Variants in SBF1 observed in about 807,000 individuals in gnomAD.
SBF1 encodes SET binding factor 1.
A neutral mutation model predicts 215.8 loss-of-function variants in SBF1; 65 were observed. That is an observed-to-expected ratio of 0.30 (90% CI 0.25 to 0.37). The LOEUF is 0.37. Ranked by LOEUF, SBF1 falls within the 10% of genes least tolerant of loss-of-function variation. SBF1 has a pLI of 1.00. For synonymous variants in SBF1, 1,410 were observed against 1,122.8 expected (o/e 1.26, Z -5.11); for missense variants, 2,634 against 2,667.8 (o/e 0.99, Z 0.28).
chr22:50,467,639 C>T lies in SBF1; in HGVS notation c.331G>A (p.Gly111Arg). 6.2e-7 allele frequency: 1 copy of T among 1,613,970 alleles called. No individual in the cohort carries two copies. The highest frequency in any genetic ancestry group is 8.5e-7 in the Non-Finnish European group (1 of 1,179,948). ...ATEREEEGDE[G>R]GQTHLSPTAP... is the part of the protein sequence containing the mutation. ...GTGGGAGACAGGTGGGTCTGGCCTC[C>T]CTCATCCCCCTCTTCCTCCCTCTCT... The change falls in exon 4 of 41, where the codon GGA becomes AGA. Residue 111 changes from glycine (G) to arginine (R), a missense_variant. By Grantham distance (125) the Gly-to-Arg change is moderately radical (BLOSUM62 -2). Transcript: ENST00000380817.
Position 50,461,699 on chromosome 22 carries a change from C to T in SBF1, c.2663G>A (p.Arg888His), listed in dbSNP as rs201519518. The T allele has an allele frequency of 5.9e-4, 946 of 1,609,550 alleles. 1 individual carries two copies. The highest frequency in any genetic ancestry group is 7.4e-4 in the Non-Finnish European group (868 of 1,178,934). Residue 888 changes from arginine (R) to histidine (H), a missense_variant, in exon 22 of 41, where the codon CGC becomes CAC. Arg to His is a conservative substitution (Grantham distance 29, BLOSUM62 0). Transcript: ENST00000380817. ...PIQKPKLLRP[R>H]LLPGEECVLD... ...CACACACTCCTCACCCGGCAGCAGG[C>T]GCGGCCGCAGCAGCTTGGGCTGCTC...
rs370634606 is a variant in SBF1 at position 50,455,580 on chromosome 22, G to A, written c.4269C>T (p.Ile1423=). 4.5e-6 allele frequency: 7 copies of A among 1,570,988 alleles called. No homozygotes were observed. Among genetic ancestry groups the A allele is most frequent in the Non-Finnish European group, 5.2e-6 (6 of 1,158,062 alleles). The change falls in exon 32 of 41, where the codon ATC becomes ATT. Residue 1423 remains isoleucine (I), a splice_region_variant and synonymous_variant. Transcript: ENST00000380817. ...GCACAGACACCTGCAGCAGCTTGTG[G>A]ATCTGCAGGGACAGGCGGCCTCAGC... ...SLEDSEWLIQ[I]HKLLQVSVLV... is the part of the protein sequence containing the mutation.
chr22:50,467,798 C>G lies in SBF1; in HGVS notation c.267G>C (p.Ala89=). 15 of 1,613,878 alleles carry G rather than the reference C, an allele frequency of 9.3e-6. No individual in the cohort carries two copies. The highest frequency in any genetic ancestry group is 1.3e-5 in the Non-Finnish European group (15 of 1,179,962). The change falls in exon 3 of 41, where the codon GCG becomes GCC. Residue 89 remains alanine, a synonymous_variant. Transcript: ENST00000380817. ...YCACLTFWEP[A]EPSQETTRVE... ...GCCCCAAGCTGACCTGTGAAGGCTC[C>G]GCTGGCTCCCAGAAGGTCAAGCAGG... is the stretch of plus-strand genomic sequence containing the variant.
At chr22:50,453,752 A>C (rs558687879) in intron 36 of SBF1, among the ~76,000 whole-genome samples, 2 of 151,808 alleles carry the variant, frequency 1.3e-5, no homozygotes, top group Non-Finnish European at 2.9e-5. Context: ...GCGCCACTAC[A>C]CTCCAGCCTG....
chr22:50,446,504 C>T lies in SBF1; in HGVS notation c.*638G>A, dbSNP rs2148545978. ...TTTCACCCCCAAGCCTCTGTGAGGT[C>T]AGCTTCTGCATCCCCTGGGTAGGGA... is the stretch of plus-strand genomic sequence containing the variant. On this transcript the variant is annotated 3_prime_UTR_variant, in exon 41 of 41. Coordinates refer to ENST00000380817, the MANE Select transcript of SBF1 (RefSeq NM_002972.4). 8.3e-6 allele frequency: 2 copies of T among 240,108 alleles called. No homozygotes were observed. The highest frequency in any genetic ancestry group is 1.2e-4 in the East Asian group (1 of 8,660). 14.9% of individuals were successfully genotyped at this position (240,108 alleles called of 1,614,324 possible).
In SBF1 at chr22:50,446,906, C is replaced by G. The variant is rs2066845362; in HGVS notation, c.*236G>C. The stretch of plus-strand genomic sequence containing the variant: ...TGACGGGGCCGGACTATTTACAGGC[C>G]CATTGCGGGCTGTACCTTGGCCACC... On this transcript the variant is annotated 3_prime_UTR_variant, in exon 41 of 41. Coordinates refer to ENST00000380817, the MANE Select transcript of SBF1 (RefSeq NM_002972.4). The G allele has an allele frequency of 1.4e-6, 1 of 734,258 alleles. No individual in the cohort carries two copies. Among genetic ancestry groups the G allele is most frequent in the Non-Finnish European group, 2.5e-6 (1 of 402,814 alleles). The allele number at this position is 734,258 out of a possible 1,614,324, so 45.5% of individuals were successfully genotyped here.
intron 36 of SBF1, among the ~76,000 whole-genome samples, chr22:50,449,268 C>T (rs928971368): frequency 8.6e-5 from 13 of 151,242 alleles, no homozygotes; most frequent in Middle Eastern, 6.9e-3. Context: ...TGGAGAAAAA[C>T]ATTAAAATAG....
At chr22:50,454,407 C>A in intron 36 of SBF1, 105 bp downstream of exon 36, 2 of 1,012,210 alleles carry the variant, frequency 2.0e-6, no homozygotes, top group Non-Finnish European at 3.0e-6. Flanking sequence ...CCAGGGGTAA[C>A]CGGACTTACG....
Position 50,457,052 on chromosome 22 carries a change from T to C in SBF1, c.3886A>G (p.Arg1296Gly), listed in dbSNP as rs543523684. 2 of 1,459,194 alleles carry C rather than the reference T, an allele frequency of 1.4e-6. No homozygotes were observed. The highest frequency in any genetic ancestry group is 6.2e-5 in the Admixed American group (2 of 32,254). 90.4% of individuals were successfully genotyped at this position (1,459,194 alleles called of 1,614,324 possible). Reference protein sequence around the residue: ...LSNPMAASASRRTAPRGKWGS... With the variant: ...LSNPMAASASGRTAPRGKWGS... ...ACGGTACCTCGGGGTGCGGTCCGTC[T>C]GGAGGCCGAGGCCGCCATGGGGTTG... Residue 1296 changes from arginine (R) to glycine (G), a missense_variant, in exon 29 of 41, where the codon AGA becomes GGA. Coordinates refer to ENST00000380817, the MANE Select transcript of SBF1 (RefSeq NM_002972.4).
At chr22:50,463,675 G>A (rs971004249) in intron 15 of SBF1, among the ~76,000 whole-genome samples, 40 of 152,264 alleles carry the variant, frequency 2.6e-4, no homozygotes, top group Non-Finnish European at 5.9e-5. Context: ...GCAGGGAGGT[G>A]CGCTCCGGAG....
chr22:50,465,567 C>A (rs575892040), intron 10 of SBF1, among the ~76,000 whole-genome samples, 196 bp downstream of exon 10: 9 of 152,358 alleles, frequency 5.9e-5, no homozygotes, highest in African/African-American at 1.9e-4. Flanking sequence ...CCTTGCTGGG[C>A]CCCTGCCGCC....
intron 28 of SBF1, among the ~76,000 whole-genome samples, chr22:50,457,823 G>T (rs894322050): frequency 1.3e-5 from 2 of 152,226 alleles, no homozygotes; most frequent in Non-Finnish European, 2.9e-5. Context: ...AAGGCCCGAG[G>T]GTGGGACTGA....
At chr22:50,468,033 C>T in intron 2 of SBF1, 110 bp from the exon 3 acceptor site, 1 of 1,377,508 alleles carries the variant, frequency 7.3e-7, no homozygotes, top group South Asian at 1.3e-5. Flanking sequence ...CACACACAGG[C>T]AGCTCCTTGC....
At chr22:50,451,226 G>A (rs939759885) in intron 36 of SBF1, among the ~76,000 whole-genome samples, 2 of 150,440 alleles carry the variant, frequency 1.3e-5, no homozygotes, top group African/African-American at 2.5e-5. Flanking sequence ...CAGTAGTCTT[G>A]GCAACTCAAG....
At position 50,446,682 on chromosome 22, in the gene SBF1, CCAGGAGA is replaced by C; in HGVS notation, c.*453_*459del. ...AGGCCGAGCTGGGTGGACCCAGGCA[CCAGGAGA>C]GGCTCACGAGAAAGATGCCAACCTC... On this transcript the variant is annotated 3_prime_UTR_variant, in exon 41 of 41. Coordinates refer to ENST00000380817, the MANE Select transcript of SBF1 (RefSeq NM_002972.4). 1 of 386,160 alleles carries C rather than the reference CCAGGAGA, an allele frequency of 2.6e-6. No homozygotes were observed. The highest frequency in any genetic ancestry group is 5.2e-6 in the Non-Finnish European group (1 of 193,332). The allele number at this position is 386,160 out of a possible 1,614,324, so 23.9% of individuals were successfully genotyped here.
rs531165508 is a variant in SBF1, at chr22:50,454,929, T to A, written c.4697A>T (p.Glu1566Val). 3 of 1,613,672 alleles carry A rather than the reference T, an allele frequency of 1.9e-6. No homozygotes were observed. The highest frequency in any genetic ancestry group is 2.5e-6 in the Non-Finnish European group (3 of 1,179,840). ...ERIELGLLYE[E>V]KGERRGQVPC... is the part of the protein sequence containing the mutation. ...CACCTGGCCCCTGCGTTCCCCCTTC[T>A]CCTCATACAGCAGCCCTGCACAGAA... is the stretch of plus-strand genomic sequence containing the variant. The change falls in exon 35 of 41, where the codon GAG becomes GTG. Residue 1566 changes from glutamate (E) to valine (V), a missense_variant. By Grantham distance (121) the Glu-to-Val change is moderately radical. Coordinates refer to ENST00000380817, the MANE Select transcript of SBF1 (RefSeq NM_002972.4).
intron 9 of SBF1, 51 bp from the exon 10 acceptor site, chr22:50,465,891 C>T: frequency 6.2e-7 from 1 of 1,611,058 alleles, no homozygotes; most frequent in Non-Finnish European, 8.5e-7. Context: ...CGGCTCTAGG[C>T]TCCCCGTGCT....
intron 1 of SBF1, among the ~76,000 whole-genome samples, chr22:50,474,396 C>T (rs1470191137): frequency 2.6e-5 from 4 of 152,350 alleles, no homozygotes; most frequent in Middle Eastern, 6.8e-3. Flanking sequence ...GCCACAGCCG[C>T]CCGCAGCTGG....
chr22:50,463,781 T>G (rs2067623727), intron 15 of SBF1, among the ~76,000 whole-genome samples: 1 of 152,140 alleles, frequency 6.6e-6, no homozygotes, highest in East Asian at 1.9e-4. Context: ...CAGAAAGCCT[T>G]GGAGTTTGCG....
Sources: allele counts gnomAD v4.1 joint callset (sites outside exome capture counted in the v4.1 genomes callset), GRCh38; gene constraint gnomAD v4.1.1; transcripts MANE v1.5; gene names NCBI Gene and HGNC (gene_info 2026-07-23, HGNC 2026-07-21).